NELL1: variants seen among roughly 807,000 people sequenced by gnomAD.
NELL1 encodes the protein neural EGFL like 1, also known as protein kinase C-binding protein NELL1.
A neutral mutation model predicts 107.4 loss-of-function variants in NELL1; 76 were observed. That is an observed-to-expected ratio of 0.71 (90% CI 0.59 to 0.86). The LOEUF (loss-of-function observed/expected upper bound fraction) is 0.86. Ranked by LOEUF, NELL1 falls within the 40% of genes least tolerant of loss-of-function variation. The pLI, the probability that NELL1 is intolerant of heterozygous loss-of-function variation, is 0.00. For synonymous variants in NELL1, 353 were observed against 341.2 expected, an observed-to-expected ratio of 1.03 and a Z score of -0.38; for missense variants, 1,024 against 1,005.5, an observed-to-expected ratio of 1.02 and a Z score of -0.25.
chr11:21,399,229 G>C (rs1852043669), intron 15 of NELL1, among the ~76,000 whole-genome samples: 1 of 151,698 alleles, frequency 6.6e-6, no homozygotes, highest in Admixed American at 6.6e-5. Flanking sequence ...ATTCAACTTT[G>C]TGACTGATGA....
At chr11:20,790,678 A>G (rs1437575239) in intron 3 of NELL1, among the ~76,000 whole-genome samples, 1 of 152,052 alleles carries the variant, frequency 6.6e-6, no homozygotes, top group Non-Finnish European at 1.5e-5. Context: ...TGGGAGGTCT[A>G]GATCTGCAGC....
intron 15 of NELL1, among the ~76,000 whole-genome samples, chr11:21,396,731 A>G (rs2133790876): frequency 6.6e-6 from 1 of 151,764 alleles, no homozygotes; most frequent in African/African-American, 2.4e-5. Flanking sequence ...GGATTGGAGA[A>G]AGGATCAGGA....
chr11:21,469,753 C>T (rs1288514646), intron 15 of NELL1, among the ~76,000 whole-genome samples: 2 of 151,976 alleles, frequency 1.3e-5, no homozygotes, highest in South Asian at 2.1e-4. Flanking sequence ...TCAATAGAAG[C>T]GTATTATGTT....
intron 2 of NELL1, among the ~76,000 whole-genome samples, chr11:20,766,547 C>A (rs569730899): frequency 6.6e-6 from 1 of 152,260 alleles, no homozygotes; most frequent in Non-Finnish European, 1.5e-5. Context: ...ACTATCTAAA[C>A]CCTCTAGTGT....
chr11:20,694,835 A>G (rs1191423698), intron 2 of NELL1, among the ~76,000 whole-genome samples: 1 of 151,938 alleles, frequency 6.6e-6, no homozygotes, highest in African/African-American at 2.4e-5. Flanking sequence ...GAAAAATGAC[A>G]TTGGTAGTTT....
intron 12 of NELL1, among the ~76,000 whole-genome samples, chr11:20,961,943 C>T (rs1392884608): frequency 1.3e-5 from 2 of 152,090 alleles, no homozygotes; most frequent in African/African-American, 2.4e-5. Context: ...TACTAGAGAC[C>T]AGTACCTTGT....
At chr11:21,069,335 C>T (rs147975104) in intron 12 of NELL1, among the ~76,000 whole-genome samples, 1 of 152,256 alleles carries the variant, frequency 6.6e-6, no homozygotes, top group Non-Finnish European at 1.5e-5. Context: ...TGTTCTTCAA[C>T]TCTTTTGAAT....
At chr11:21,006,695 C>G (rs1435436430) in intron 12 of NELL1, among the ~76,000 whole-genome samples, 1 of 152,050 alleles carries the variant, frequency 6.6e-6, no homozygotes, top group Non-Finnish European at 1.5e-5. Flanking sequence ...ATAAGACCCC[C>G]AACGCCTCTC....
chr11:21,556,704 G>A (rs1331899857), intron 16 of NELL1, among the ~76,000 whole-genome samples: 2 of 151,950 alleles, frequency 1.3e-5, no homozygotes, highest in South Asian at 2.1e-4. Context: ...TTGTGAAAAT[G>A]TTAATGCAAG....
At chr11:21,307,057 T>A (rs1482927000) in intron 14 of NELL1, among the ~76,000 whole-genome samples, 2 of 152,014 alleles carry the variant, frequency 1.3e-5, no homozygotes, top group Non-Finnish European at 2.9e-5. Flanking sequence ...ATTTAAGTAA[T>A]TTATTTATGT....
intron 12 of NELL1, among the ~76,000 whole-genome samples, chr11:21,070,864 C>T (rs887061039): frequency 1.3e-5 from 2 of 152,096 alleles, no homozygotes; most frequent in South Asian, 2.1e-4. Context: ...GTCAACTATC[C>T]CTCTTGCCAG....
intron 14 of NELL1, among the ~76,000 whole-genome samples, chr11:21,254,569 G>A (rs987593208): frequency 6.6e-5 from 10 of 152,016 alleles, no homozygotes; most frequent in South Asian, 2.1e-4. Flanking sequence ...ACACATGCCC[G>A]AGGGAGCTGA....
At chr11:21,469,185 A>G (rs935244051) in intron 15 of NELL1, among the ~76,000 whole-genome samples, 1 of 152,044 alleles carries the variant, frequency 6.6e-6, no homozygotes, top group African/African-American at 2.4e-5. Flanking sequence ...AAACACATGC[A>G]TTTGTTTTTC....
chr11:21,284,482 C>T (rs1186101635), intron 14 of NELL1: 1 of 459,376 alleles, frequency 2.2e-6, no homozygotes, highest in East Asian at 6.9e-5. Flanking sequence ...ATGGTCTCTT[C>T]CTCCAGTGCT....
At chr11:21,565,896 GT>G (rs1314739827) in intron 17 of NELL1, among the ~76,000 whole-genome samples, 1 of 151,924 alleles carries the variant, frequency 6.6e-6, no homozygotes, top group Non-Finnish European at 1.5e-5. Context: ...TTAATACTTT[GT>G]AAAAAGATTG....
At chr11:21,368,284 A>G (rs1235494604) in intron 14 of NELL1, among the ~76,000 whole-genome samples, 1 of 151,888 alleles carries the variant, frequency 6.6e-6, no homozygotes, top group Non-Finnish European at 1.5e-5. Flanking sequence ...TAGAAATTAG[A>G]TAATAGGTAC....
intron 13 of NELL1, among the ~76,000 whole-genome samples, chr11:21,149,763 C>T (rs147401307): frequency 1.7e-3 from 266 of 152,292 alleles, no homozygotes; most frequent in African/African-American, 5.6e-3. Flanking sequence ...ACAGAATTTC[C>T]GTTCTCATGG....
intron 18 of NELL1, among the ~76,000 whole-genome samples, chr11:21,571,902 T>G (rs1857108804): frequency 6.6e-6 from 1 of 151,782 alleles, no homozygotes; most frequent in African/African-American, 2.4e-5. Flanking sequence ...CTGACATGAA[T>G]GATTCTCATT....
intron 14 of NELL1, among the ~76,000 whole-genome samples, chr11:21,302,966 C>T (rs757206303): frequency 4.0e-5 from 6 of 151,646 alleles, no homozygotes; most frequent in East Asian, 1.9e-4. Flanking sequence ...GAGACTGAAG[C>T]GGGAGGATCA....
Sources: allele counts gnomAD v4.1 joint callset (sites outside exome capture counted in the v4.1 genomes callset), GRCh38; gene constraint gnomAD v4.1.1; transcripts MANE v1.5; gene names NCBI Gene and HGNC (gene_info 2026-07-23, HGNC 2026-07-21).